NOTCH3: variants seen among roughly 807,000 people sequenced by gnomAD.
NOTCH3 encodes notch receptor 3.
In NOTCH3, 86 loss-of-function variants were observed where a neutral mutation model predicts 213.3. That is an observed-to-expected ratio of 0.40 (90% CI 0.34 to 0.48). The LOEUF (loss-of-function observed/expected upper bound fraction) is 0.48. Among genes scored for constraint, NOTCH3 ranks in the 20% least tolerant of loss-of-function variants. The pLI is 0.57. For synonymous variants in NOTCH3, 1,354 were observed against 1,355.9 expected, an observed-to-expected ratio of 1.00 and a Z score of 0.03; for missense variants, 2,783 against 3,272.6, an observed-to-expected ratio of 0.85 and a Z score of 3.65.
At chr19:15,186,375 TTGTATGTGTGTGTGTGTGTGTG>T (rs2046881450) in intron 12 of NOTCH3, among the ~76,000 whole-genome samples, 2 of 123,206 alleles carry the variant, frequency 1.6e-5, no homozygotes, top group Non-Finnish European at 1.7e-5. Flanking sequence ...TTGTTTGTTT[TTGTATGTGTGTGTGTGTGTGTG>T]TGTGTGTGTG....
Position 15,187,004 on chromosome 19 carries a change from A to G in NOTCH3, c.1841-16T>C. Reference sequence around the variant, plus strand: ...CAGTTCACACCTAGGGGCCAGGAACATGGCATGGAGTGGCCACCACTGTGC... The same window carrying G: ...CAGTTCACACCTAGGGGCCAGGAACGTGGCATGGAGTGGCCACCACTGTGC... On this transcript the variant is annotated splice_polypyrimidine_tract_variant and intron_variant, in intron 11 of 32. Transcript: ENST00000263388. 6.2e-7 allele frequency: 1 copy of G among 1,612,904 alleles called. No individual in the cohort carries two copies. The highest frequency in any genetic ancestry group is 8.5e-7 in the Non-Finnish European group (1 of 1,179,162).
chr19:15,199,393 G>C (rs1034315539), intron 1 of NOTCH3, among the ~76,000 whole-genome samples: 1 of 152,196 alleles, frequency 6.6e-6, no homozygotes, highest in Non-Finnish European at 1.5e-5. Flanking sequence ...GGTGTGACCT[G>C]TGTGTGCACC....
Position 15,170,066 on chromosome 19 carries a change from G to A in NOTCH3, c.5199+20C>T, listed in dbSNP as rs769829213. 2.4e-5 allele frequency: 36 copies of A among 1,493,936 alleles called. No homozygotes were observed. Among genetic ancestry groups the A allele is most frequent in the Admixed American group, 1.9e-5 (1 of 52,578 alleles). The allele number at this position is 1,493,936 out of a possible 1,614,324, so 92.5% of individuals were successfully genotyped here. ...GGGAGGGGTCAGAGGAGGGGGCAAA[G>A]GTCAGAGGGGGGGCAGTACCTTTAG... is the stretch of plus-strand genomic sequence containing the variant. On this transcript the variant is annotated intron_variant, in intron 28 of 32. Transcript: ENST00000263388.
intron 25 of NOTCH3, among the ~76,000 whole-genome samples, chr19:15,172,320 C>T (rs1432459972): frequency 6.6e-6 from 1 of 152,180 alleles, no homozygotes; most frequent in Non-Finnish European, 1.5e-5. Flanking sequence ...TGATCATCAA[C>T]ACTTTTATAT....
chr19:15,192,563 GC>G, intron 2 of NOTCH3, 44 bp from the exon 3 acceptor site: 1 of 1,551,022 alleles, frequency 6.4e-7, no homozygotes, highest in Non-Finnish European at 8.7e-7. Context: ...GGGCAGGATG[GC>G]CCCAGACACA....
intron 2 of NOTCH3, among the ~76,000 whole-genome samples, chr19:15,193,898 A>G (rs1197267788): frequency 6.6e-6 from 1 of 151,830 alleles, no homozygotes; most frequent in African/African-American, 2.4e-5. Flanking sequence ...CCTGGCCAAT[A>G]TGGTGAAACC....
At chr19:15,173,061 T>TC (rs2046750009) in intron 25 of NOTCH3, among the ~76,000 whole-genome samples, 1 of 3,272 alleles carries the variant, frequency 3.1e-4, no homozygotes, top group African/African-American at 3.6e-3. Context: ...TCCCTCTTCT[T>TC]CTTCTTCTTC....
rs779401607 is a variant in NOTCH3 at position 15,179,062 on chromosome 19, G to A, written c.3681C>T (p.Gly1227=). 21 of 1,614,086 alleles carry A rather than the reference G, an allele frequency of 1.3e-5. No individual in the cohort carries two copies. The highest frequency in any genetic ancestry group is 1.2e-4 in the Admixed American group (7 of 60,012). ...CATGACAAAGGCAACGGAAACCTCC[G>A]CCTGGGTCCTGCAGGCAGTCCCGGG... ...AHTRDCLQDP[G]GGFRCLCHAG... The change falls in exon 22 of 33, where the codon GGC becomes GGT. Residue 1227 remains glycine, a synonymous_variant. Transcript: ENST00000263388.
At position 15,181,592 on chromosome 19, in the gene NOTCH3, G is replaced by A. The variant is rs2046841952; in HGVS notation, c.2776C>T (p.Pro926Ser). 1.9e-6 allele frequency: 3 copies of A among 1,550,258 alleles called. No individual in the cohort carries two copies. Among genetic ancestry groups the A allele is most frequent in the Non-Finnish European group, 1.7e-6 (2 of 1,146,652 alleles). The change falls in exon 17 of 33, where the codon CCC becomes TCC. Residue 926 changes from proline to serine, a missense_variant. Pro to Ser is a moderately conservative substitution (Grantham distance 74, BLOSUM62 -1). Around this residue, in one of 6 missense-constraint regions of NOTCH3, gnomAD observed 861 missense variants for 909.1 expected, o/e 0.95. Coordinates refer to ENST00000263388, the MANE Select transcript of NOTCH3 (RefSeq NM_000435.3). Reference protein sequence around the residue: ...YGGFHCEQDLPDCSPSSCFNG... With the variant: ...YGGFHCEQDLSDCSPSSCFNG... ...CCCGCCCACCTGGGGCTGCAGTCGGGCAGGTCCTGTTCGCAGTGGAAGCCT... is the reference window on the plus strand; with the variant it reads ...CCCGCCCACCTGGGGCTGCAGTCGGACAGGTCCTGTTCGCAGTGGAAGCCT...
chr19:15,183,400 G>GTTTGTTTT (rs1418325814), intron 16 of NOTCH3, among the ~76,000 whole-genome samples: 3 of 151,910 alleles, frequency 2.0e-5, no homozygotes, highest in African/African-American at 7.3e-5. Context: ...TTGTTTGTTT[G>GTTTGTTTT]TTTGTTTGTT....
intron 9 of NOTCH3, 77 bp downstream of exon 9, chr19:15,188,157 GT>G: frequency 3.4e-6 from 4 of 1,159,664 alleles, no homozygotes; most frequent in South Asian, 1.3e-5. Context: ...CGCTAACGTG[GT>G]TTTACAGGTT....
intron 16 of NOTCH3, among the ~76,000 whole-genome samples, chr19:15,183,080 A>T (rs1365659990): frequency 1.3e-5 from 2 of 152,108 alleles, no homozygotes; most frequent in Non-Finnish European, 2.9e-5. Flanking sequence ...GTGAGACCCC[A>T]TCTCTACAGA....
chr19:15,161,352 C>T lies in NOTCH3; in HGVS notation c.6276G>A (p.Leu2092=), dbSNP rs1202486635. 9 of 1,525,862 alleles carry T rather than the reference C, an allele frequency of 5.9e-6. No homozygotes were observed. Among genetic ancestry groups the T allele is most frequent in the Non-Finnish European group, 7.9e-6 (9 of 1,138,484 alleles). The allele number at this position is 1,525,862 out of a possible 1,614,324, so 94.5% of individuals were successfully genotyped here. A position where few individuals can be genotyped will look rare whatever the true frequency, so the allele number is the denominator to read the frequency against. Residue 2092 remains leucine (L), a synonymous_variant, in exon 33 of 33, where the codon CTG becomes CTA. Coordinates refer to ENST00000263388, the MANE Select transcript of NOTCH3 (RefSeq NM_000435.3). ...KKLTLACPGP[L]ADSSVTLSPV... ...GCGACAGCGTGACCGAGCTGTCAGC[C>T]AGGGGGCCCGGGCAGGCCAGCGTCA...
chr19:15,177,739 CG>C lies in NOTCH3; in HGVS notation c.4188del (p.Asp1398ThrfsTer22). The C allele has an allele frequency of 6.8e-7, 1 of 1,463,910 alleles. No individual in the cohort carries two copies. Among genetic ancestry groups the C allele is most frequent in the Non-Finnish European group, 9.0e-7 (1 of 1,115,596 alleles). The allele number at this position is 1,463,910 out of a possible 1,614,324, so 90.7% of individuals were successfully genotyped here. ...RCPRAACQAKRGDQRCDRECN... is the reference protein window; with the variant it reads ...RCPRAACQAKXGDQRCDRECN... The stretch of plus-strand genomic sequence containing the variant: ...CACTCGCGGTCGCAGCGCTGGTCCC[CG>C]CGCTTGGCCTGGCAGGCGGCGCGCG... On this transcript the variant is annotated frameshift_variant, in exon 24 of 33. Coordinates refer to ENST00000263388, the MANE Select transcript of NOTCH3 (RefSeq NM_000435.3). LOFTEE classifies it high-confidence loss of function.
intron 24 of NOTCH3, 123 bp downstream of exon 24, chr19:15,177,402 T>C (rs1250387873): frequency 7.2e-6 from 6 of 834,938 alleles, no homozygotes; most frequent in South Asian, 2.9e-5. Flanking sequence ...GATGGGCAGA[T>C]AGAGTGCACA....
intron 28 of NOTCH3, among the ~76,000 whole-genome samples, chr19:15,168,954 C>G (rs534003285): frequency 6.6e-6 from 1 of 152,174 alleles, no homozygotes; most frequent in African/African-American, 2.4e-5. Flanking sequence ...TGCTCTGTTA[C>G]CCAGGCTGGA....
Position 15,165,862 on chromosome 19 carries a change from G to A in NOTCH3, c.5592C>T (p.Asp1864=), listed in dbSNP as rs1431331987. 9 of 1,614,054 alleles carry A rather than the reference G, an allele frequency of 5.6e-6. No homozygotes were observed. Among genetic ancestry groups the A allele is most frequent in the Non-Finnish European group, 6.8e-6 (8 of 1,180,026 alleles). ...AAKRLLDAGA[D]TNAQDHSGRT... ...GGCCTGAGTGGTCCTGGGCATTGGT[G>A]TCTGCCCCAGCATCCAGCAGCCGCT... Residue 1864 remains aspartate (D), a synonymous_variant, in exon 30 of 33, where the codon GAC becomes GAT. Coordinates refer to ENST00000263388, the MANE Select transcript of NOTCH3 (RefSeq NM_000435.3). The surrounding 1 kb of genome is among the most constrained non-coding windows in gnomAD (Gnocchi z 4.7).
intron 1 of NOTCH3, among the ~76,000 whole-genome samples, chr19:15,200,088 G>A (rs1050709682): frequency 6.6e-6 from 1 of 151,514 alleles, no homozygotes; most frequent in African/African-American, 2.4e-5. Context: ...AGGGGCTCTG[G>A]CCGCGGGGAG....
intron 20 of NOTCH3, chr19:15,179,769 C>A: frequency 1.7e-6 from 1 of 587,564 alleles, no homozygotes; most frequent in Non-Finnish European, 3.0e-6. Context: ...GTACTCCCAG[C>A]TATAATGAGA....
Sources: gnomAD v4.1 joint callset for allele counts (sites outside exome capture counted in the v4.1 genomes callset) on GRCh38, gnomAD v4.1.1 for gene constraint, gnomAD v4.1.1 regional missense constraint, Gnocchi (gnomAD v3.1) non-coding constraint, MANE v1.5 for transcripts, NCBI Gene and HGNC (gene_info 2026-07-23, HGNC 2026-07-21) for gene names.